Variants in OR5H2 observed in about 807,000 individuals in gnomAD.
OR5H2 encodes the protein olfactory receptor 5H2.
For missense variants in OR5H2, 391 were observed against 364.4 expected (o/e 1.07, Z -0.59); for synonymous variants, 132 against 126.8 (o/e 1.04, Z -0.27).
Position 98,283,627 on chromosome 3 carries a change from G to A in OR5H2, c.725G>A (p.Gly242Glu), listed in dbSNP as rs1446443845. Residue 242 changes from glycine (G) to glutamate (E), a missense_variant, in exon 1 of 1, where the codon GGA (glycine) becomes GAA (glutamate). Gly to Glu is a moderately conservative substitution (Grantham distance 98). Transcript: ENST00000355273. The part of the protein sequence containing the change: ...RGVRKAFSTC[G>E]AHLLSVSLYY... Reference sequence around the variant, plus strand: ...GTAAGGAAAGCCTTTTCCACCTGTGGAGCCCATCTCTTATCTGTCTCTTTA... The same window carrying A: ...GTAAGGAAAGCCTTTTCCACCTGTGAAGCCCATCTCTTATCTGTCTCTTTA... The A allele has an allele frequency of 6.2e-7, 1 of 1,613,512 alleles. No homozygotes were observed. The highest frequency in any genetic ancestry group is 8.5e-7 in the Non-Finnish European group (1 of 1,179,814).
In OR5H2 at chr3:98,283,532, C is replaced by A. The variant is rs1396012305; in HGVS notation, c.630C>A (p.Thr210=). The change falls in exon 1 of 1, where the codon ACC becomes ACA. Residue 210 remains threonine (T), a synonymous_variant. Transcript: ENST00000355273. ...FILSGSIQVF[T]IVTVLNSYTF... ...TGTCTGGCTCAATTCAGGTATTCAC[C>A]ATTGTGACAGTTCTTAATTCTTACA... 2 of 1,613,046 alleles carry A rather than the reference C, an allele frequency of 1.2e-6. No individual in the cohort carries two copies. The highest frequency in any genetic ancestry group is 1.3e-5 in the African/African-American group (1 of 74,784).
chr3:98,282,992 G>A lies in OR5H2; in HGVS notation c.90G>A (p.Val30=). The A allele has an allele frequency of 6.2e-7, 1 of 1,613,992 alleles. No homozygotes were observed. Among genetic ancestry groups the A allele is most frequent in the Non-Finnish European group, 8.5e-7 (1 of 1,179,914 alleles). Residue 30 remains valine (V), a synonymous_variant, in exon 1 of 1, where the codon GTG becomes GTA. Transcript: ENST00000355273. ...AGTGGAAAATGCCCCTGTTCTTGGT[G>A]TTCTTGGTGATCTATCTCATCACTA... ...QPEWKMPLFL[V]FLVIYLITIV...
chr3:98,283,353 G>T lies in OR5H2; in HGVS notation c.451G>T (p.Gly151Cys). 3 of 1,612,188 alleles carry T rather than the reference G, an allele frequency of 1.9e-6. No homozygotes were observed. Among genetic ancestry groups the T allele is most frequent in the Middle Eastern group, 1.7e-4 (1 of 6,038 alleles). Reference protein sequence around the residue: ...CIRLLAFSFLGGFLHALIHEV... With the variant: ...CIRLLAFSFLCGFLHALIHEV... ...ACGGCTGTTAGCCTTCTCATTTTTA[G>T]GTGGCTTCCTCCATGCCTTAATTCA... The change falls in exon 1 of 1, where the codon GGT becomes TGT. Residue 151 changes from glycine (G) to cysteine (C), a missense_variant. By Grantham distance (159) the Gly-to-Cys change is radical (BLOSUM62 -3). Transcript: ENST00000355273.
At position 98,283,515 on chromosome 3, in the gene OR5H2, T is replaced by G. The variant is rs1226626968; in HGVS notation, c.613T>G (p.Ser205Ala). Residue 205 changes from serine to alanine, a missense_variant, in exon 1 of 1, where the codon TCA becomes GCA. By Grantham distance (99) the Ser-to-Ala change is moderately conservative (BLOSUM62 1). Coordinates refer to ENST00000355273, the MANE Select transcript of OR5H2 (RefSeq NM_001005482.2). ...NFLMVFILSG[S>A]IQVFTIVTVL... is the part of the protein sequence containing the mutation. ...TCTAATGGTTTTTATTTTGTCTGGC[T>G]CAATTCAGGTATTCACCATTGTGAC... 4 of 1,613,114 alleles carry G rather than the reference T, an allele frequency of 2.5e-6. No homozygotes were observed. Among genetic ancestry groups the G allele is most frequent in the Non-Finnish European group, 3.4e-6 (4 of 1,179,796 alleles).
Position 98,283,194 on chromosome 3 carries a change from A to C in OR5H2, c.292A>C (p.Met98Leu). The change falls in exon 1 of 1, where the codon ATG becomes CTG. Residue 98 changes from methionine (M) to leucine (L), a missense_variant. Coordinates refer to ENST00000355273, the MANE Select transcript of OR5H2 (RefSeq NM_001005482.2). The stretch of plus-strand genomic sequence containing the variant: ...CAGGATGATATCTCTGTCTGAATGC[A>C]TGATTCAATTTTTTTCCTTTGCATT... ...KNRMISLSEC[M>L]IQFFSFAFGG... 1 of 1,613,988 alleles carries C rather than the reference A, an allele frequency of 6.2e-7. No individual in the cohort carries two copies.
Position 98,284,020 on chromosome 3 carries a change from G to A in OR5H2, c.*188G>A, listed in dbSNP as rs1379510232. ...AAAAGCATCCAAGGAATTTTAACCT[G>A]GTGTTCATGTTATATTAGATAATTA... On this transcript the variant is annotated 3_prime_UTR_variant, in exon 1 of 1. Coordinates refer to ENST00000355273, the MANE Select transcript of OR5H2 (RefSeq NM_001005482.2). Among the ~76,000 whole-genome samples, 1 of 152,014 alleles carries A rather than the reference G, an allele frequency of 6.6e-6. No homozygotes were observed. The highest frequency in any genetic ancestry group is 2.4e-5 in the African/African-American group (1 of 41,372).
rs1376233101 is a variant in OR5H2, at chr3:98,283,178, ATC to A, written c.280_281del (p.Leu94ValfsTer2). ...VNFLAKNRMI[S>X]LSECMIQFFS... The stretch of plus-strand genomic sequence containing the variant: ...ATTTCTTGGCCAAAAACAGGATGAT[ATC>A]TCTGTCTGAATGCATGATTCAATTT... On this transcript the variant is annotated frameshift_variant, in exon 1 of 1. Transcript: ENST00000355273. LOFTEE classifies it low-confidence loss of function (END_TRUNC). The A allele has an allele frequency of 6.2e-7, 1 of 1,613,938 alleles. No homozygotes were observed. The highest frequency in any genetic ancestry group is 1.3e-5 in the African/African-American group (1 of 74,916).
In OR5H2 at chr3:98,283,237, G is replaced by C; in HGVS notation, c.335G>C (p.Cys112Ser). The change falls in exon 1 of 1, where the codon TGT (cysteine) becomes TCT (serine). Residue 112 changes from cysteine (C) to serine (S), a missense_variant. Physicochemically the swap from Cys to Ser is moderately radical, Grantham distance 112 (BLOSUM62 -1). Transcript: ENST00000355273. Reference sequence around the variant, plus strand: ...TTTGCATTTGGTGGAACTACAGAATGTTTTCTCTTGGCAACAATGGCATAT... The same window carrying C: ...TTTGCATTTGGTGGAACTACAGAATCTTTTCTCTTGGCAACAATGGCATAT... Reference protein sequence around the residue: ...FSFAFGGTTECFLLATMAYDR... With the variant: ...FSFAFGGTTESFLLATMAYDR... The C allele has an allele frequency of 6.2e-7, 1 of 1,613,886 alleles. No homozygotes were observed.
Position 98,282,983 on chromosome 3 carries a change from G to T in OR5H2, c.81G>T (p.Leu27=), listed in dbSNP as rs753954499. Residue 27 remains leucine (L), a synonymous_variant, in exon 1 of 1, where the codon CTG becomes CTT. Coordinates refer to ENST00000355273, the MANE Select transcript of OR5H2 (RefSeq NM_001005482.2). ...ATCAGCCAGAGTGGAAAATGCCCCT[G>T]TTCTTGGTGTTCTTGGTGATCTATC... The part of the protein sequence containing the change: ...LTYQPEWKMP[L]FLVFLVIYLI... 1.9e-6 allele frequency: 3 copies of T among 1,612,786 alleles called. No individual in the cohort carries two copies. The highest frequency in any genetic ancestry group is 2.5e-6 in the Non-Finnish European group (3 of 1,179,828).
rs752332712 is a variant in OR5H2, at chr3:98,283,418, C to T, written c.516C>T (p.Asn172=). 22 of 1,609,116 alleles carry T rather than the reference C, an allele frequency of 1.4e-5. No individual in the cohort carries two copies. In the Admixed American group the frequency reaches 2.9e-4, roughly 21 times the overall value. ...LIFRLTFCNS[N]IIHHFYCDII... ...TCAGATTAACCTTCTGCAATTCTAA[C>T]ATAATACATCATTTTTACTGTGATA... Residue 172 remains asparagine, a synonymous_variant, in exon 1 of 1, where the codon AAC becomes AAT. Coordinates refer to ENST00000355273, the MANE Select transcript of OR5H2 (RefSeq NM_001005482.2).
rs779921887 is a variant in OR5H2 at position 98,283,710 on chromosome 3, C to G, written c.808C>G (p.Gln270Glu). The G allele has an allele frequency of 1.2e-6, 2 of 1,611,836 alleles. No homozygotes were observed. The highest frequency in any genetic ancestry group is 2.2e-5 in the South Asian group (2 of 90,928). ...CCCTGCATCTCCACAAGCAGATGAC[C>G]AAGATATGATAGACTCTGTCTTTTA... ...LRPASPQADDQDMIDSVFYTI... is the reference protein window; with the variant it reads ...LRPASPQADDEDMIDSVFYTI... The change falls in exon 1 of 1, where the codon CAA becomes GAA. Residue 270 changes from glutamine (Q) to glutamate (E), a missense_variant. Coordinates refer to ENST00000355273, the MANE Select transcript of OR5H2 (RefSeq NM_001005482.2).
chr3:98,282,835 CTGTATAAG>C lies in OR5H2; in HGVS notation c.-66_-59del. 7.3e-7 allele frequency: 1 copy of C among 1,365,604 alleles called. No homozygotes were observed. The highest frequency in any genetic ancestry group is 1.0e-6 in the Non-Finnish European group (1 of 972,796). 84.6% of individuals were successfully genotyped at this position (1,365,604 alleles called of 1,614,324 possible). A position where few individuals can be genotyped will look rare whatever the true frequency, so the allele number is the denominator to read the frequency against. Reference sequence around the variant, plus strand: ...ATCAACTTCCCTCCCCCAGTATTTGCTGTATAAGTCTTAGTGAATGCTCTTTTACATTT... The same window carrying C: ...ATCAACTTCCCTCCCCCAGTATTTGCTCTTAGTGAATGCTCTTTTACATTT... On this transcript the variant is annotated 5_prime_UTR_variant, in exon 1 of 1. The change creates a premature stop within an existing upstream ORF in the 5' untranslated region. Transcript: ENST00000355273.
rs183927815 is a variant in OR5H2 at position 98,283,044 on chromosome 3, C to T, written c.142C>T (p.Leu48Phe). The change falls in exon 1 of 1, where the codon CTT (leucine) becomes TTT (phenylalanine). Residue 48 changes from leucine (L) to phenylalanine (F), a missense_variant. Leu to Phe is a conservative substitution (Grantham distance 22, BLOSUM62 0). Transcript: ENST00000355273. ...TGTGTGGAACCTTGGTCTGATTGCT[C>T]TTATCTGGAATGACCCACAACTTCA... ...TIVWNLGLIA[L>F]IWNDPQLHIP... The T allele has an allele frequency of 1.1e-5, 18 of 1,613,978 alleles. 1 individual carries two copies. The Admixed American group carries it at 2.0e-4, about 18-fold the overall frequency.
At position 98,283,392 on chromosome 3, in the gene OR5H2, T is replaced by C; in HGVS notation, c.490T>C (p.Phe164Leu). 1 of 1,610,562 alleles carries C rather than the reference T, an allele frequency of 6.2e-7. No homozygotes were observed. Among genetic ancestry groups the C allele is most frequent in the Non-Finnish European group, 8.5e-7 (1 of 1,179,204 alleles). Residue 164 changes from phenylalanine to leucine, a missense_variant, in exon 1 of 1, where the codon TTC becomes CTC. Transcript: ENST00000355273. ...TGCCTTAATTCATGAAGTCCTTATA[T>C]TCAGATTAACCTTCTGCAATTCTAA... The part of the protein sequence containing the change: ...LHALIHEVLI[F>L]RLTFCNSNII...
At position 98,283,827 on chromosome 3, in the gene OR5H2, G is replaced by C. The variant is rs577298129; in HGVS notation, c.925G>C (p.Val309Leu). 4.5e-4 allele frequency: 679 copies of C among 1,500,268 alleles called. 7 individuals carry two copies. In the South Asian group the frequency reaches 8.1e-3, roughly 18 times the overall value. 92.9% of individuals were successfully genotyped at this position (1,500,268 alleles called of 1,614,324 possible). ...ATTCACAAAAATGGTAAAAAGAAAT[G>C]TTTAGATTTCATAGTGATATCTCTC... ...DSFTKMVKRN[V>L] The change falls in exon 1 of 1, where the codon GTT (valine) becomes CTT (leucine). Residue 309 changes from valine (V) to leucine (L), a missense_variant. Physicochemically the swap from Val to Leu is conservative, Grantham distance 32 (BLOSUM62 1). Transcript: ENST00000355273.
rs1417714667 is a variant in OR5H2, at chr3:98,283,071, A to T, written c.169A>T (p.Ile57Phe). ...ALIWNDPQLH[I>F]PMYFFLGSLA... ...TATCTGGAATGACCCACAACTTCAC[A>T]TCCCCATGTACTTTTTTCTTGGGAG... is the stretch of plus-strand genomic sequence containing the variant. The change falls in exon 1 of 1, where the codon ATC becomes TTC. Residue 57 changes from isoleucine (I) to phenylalanine (F), a missense_variant. By Grantham distance (21) the Ile-to-Phe change is conservative. Coordinates refer to ENST00000355273, the MANE Select transcript of OR5H2 (RefSeq NM_001005482.2). 6.2e-7 allele frequency: 1 copy of T among 1,613,998 alleles called. No homozygotes were observed. Among genetic ancestry groups the T allele is most frequent in the South Asian group, 1.1e-5 (1 of 91,074 alleles).
chr3:98,283,435 A>G lies in OR5H2; in HGVS notation c.533A>G (p.Tyr178Cys), dbSNP rs1706158486. The change falls in exon 1 of 1, where the codon TAC becomes TGC. Residue 178 changes from tyrosine to cysteine, a missense_variant. By Grantham distance (194) the Tyr-to-Cys change is radical (BLOSUM62 -2). Coordinates refer to ENST00000355273, the MANE Select transcript of OR5H2 (RefSeq NM_001005482.2). The part of the protein sequence containing the change: ...FCNSNIIHHF[Y>C]CDIIPLFMIS... ...AATTCTAACATAATACATCATTTTT[A>G]CTGTGATATTATACCACTGTTTATG... 1 of 1,608,516 alleles carries G rather than the reference A, an allele frequency of 6.2e-7. No individual in the cohort carries two copies. The highest frequency in any genetic ancestry group is 1.1e-5 in the South Asian group (1 of 89,900).
chr3:98,283,814 G>T lies in OR5H2; in HGVS notation c.912G>T (p.Met304Ile). The change falls in exon 1 of 1, where the codon ATG becomes ATT. Residue 304 changes from methionine (M) to isoleucine (I), a missense_variant. Transcript: ENST00000355273. Reference sequence around the variant, plus strand: ...AAGTAATAGATTCATTCACAAAAATGGTAAAAAGAAATGTTTAGATTTCAT... The same window carrying T: ...AAGTAATAGATTCATTCACAAAAATTGTAAAAAGAAATGTTTAGATTTCAT... ...NKQVIDSFTK[M>I]VKRNV 6.6e-7 allele frequency: 1 copy of T among 1,526,566 alleles called. No homozygotes were observed. The highest frequency in any genetic ancestry group is 8.8e-7 in the Non-Finnish European group (1 of 1,130,996). The allele number at this position is 1,526,566 out of a possible 1,614,324, so 94.6% of individuals were successfully genotyped here. A position where few individuals can be genotyped will look rare whatever the true frequency, so the allele number is the denominator to read the frequency against.
At position 98,283,090 on chromosome 3, in the gene OR5H2, T is replaced by C; in HGVS notation, c.188T>C (p.Leu63Pro). The C allele has an allele frequency of 6.2e-7, 1 of 1,614,108 alleles. No individual in the cohort carries two copies. Among genetic ancestry groups the C allele is most frequent in the Non-Finnish European group, 8.5e-7 (1 of 1,179,968 alleles). Residue 63 changes from leucine to proline, a missense_variant, in exon 1 of 1, where the codon CTT becomes CCT. Physicochemically the swap from Leu to Pro is moderately conservative, Grantham distance 98. Coordinates refer to ENST00000355273, the MANE Select transcript of OR5H2 (RefSeq NM_001005482.2). ...CTTCACATCCCCATGTACTTTTTTCTTGGGAGTTTAGCCTTTGTTGATGCT... is the reference window on the plus strand; with the variant it reads ...CTTCACATCCCCATGTACTTTTTTCCTGGGAGTTTAGCCTTTGTTGATGCT... ...PQLHIPMYFF[L>P]GSLAFVDAWI...
Sources: gnomAD v4.1 joint callset for allele counts (sites outside exome capture counted in the v4.1 genomes callset) on GRCh38, gnomAD v4.1.1 for gene constraint, MANE v1.5 for transcripts, NCBI Gene and HGNC (gene_info 2026-07-23, HGNC 2026-07-21) for gene names.